The following GPM6B variants were observed in gnomAD, a reference collection of about 807,000 sequenced individuals.
GPM6B encodes glycoprotein M6B.
A neutral mutation model predicts 27.2 loss-of-function variants in GPM6B; 4 were observed. The ratio of observed to expected loss-of-function variants is 0.15; its 90% CI spans 0.07 to 0.34. The LOEUF is 0.34. Among genes scored for constraint, GPM6B ranks in the 10% least tolerant of loss-of-function variants. The pLI, the probability that GPM6B is intolerant of heterozygous loss-of-function variation, is 1.00. For missense variants in GPM6B, 183 were observed against 261.9 expected, an observed-to-expected ratio of 0.70 and a Z score of 2.08; for synonymous variants, 124 against 103.1, an observed-to-expected ratio of 1.20 and a Z score of -1.23.
chrX:13,902,673 T>C (rs1243210671), intron 1 of GPM6B, among the ~76,000 whole-genome samples: 1 of 111,415 alleles, frequency 9.0e-6, no homozygotes, highest in Non-Finnish European at 1.9e-5. Flanking sequence ...CACAGGCTTC[T>C]GTCTCCTACC....
Position 13,771,890 on chromosome X carries a change from T to C in GPM6B, c.*991A>G, listed in dbSNP as rs569360011. On this transcript the variant is annotated 3_prime_UTR_variant, in exon 8 of 8. Transcript: ENST00000316715. Reference sequence around the variant, plus strand: ...ACTTAAGTATTCAAGTCTATAAAAGTAGGAGGTTAGAGGTCTGTGGTCAAT... The same window carrying C: ...ACTTAAGTATTCAAGTCTATAAAAGCAGGAGGTTAGAGGTCTGTGGTCAAT... 1 of 112,201 alleles carries C rather than the reference T, an allele frequency of 8.9e-6. No individual in the cohort carries two copies. 9.2% of individuals were successfully genotyped at this position (112,201 alleles called of 1,213,427 possible).
In GPM6B at chrX:13,857,804, C is replaced by T. The variant is rs1043809650; in HGVS notation, c.-197-71996G>A. On this transcript the variant is annotated intron_variant, in intron 1 of 6. Coordinates refer to the GPM6B transcript ENST00000398361. Reference sequence around the variant, plus strand: ...TGCAGTGGCAAGTGCTAGGGTACAACAAGATACAAAATTCCTGGTTCTTCT... The same window carrying T: ...TGCAGTGGCAAGTGCTAGGGTACAATAAGATACAAAATTCCTGGTTCTTCT... 3.5e-5 allele frequency among the ~76,000 whole-genome samples: 4 copies of T among 112,730 alleles called. No homozygotes were observed. In the Admixed American group the frequency reaches 3.7e-4, roughly 11 times the overall value.
At chrX:13,864,634 C>G (rs895085860) in intron 1 of GPM6B, among the ~76,000 whole-genome samples, 1 of 112,594 alleles carries the variant, frequency 8.9e-6, no homozygotes, top group African/African-American at 3.2e-5. Flanking sequence ...AATATACTCA[C>G]TCATCGGTGA....
At chrX:13,846,836 T>G (rs1191344487) in intron 1 of GPM6B, among the ~76,000 whole-genome samples, 1 of 100,422 alleles carries the variant, frequency 1.0e-5, no homozygotes, top group African/African-American at 3.7e-5. Context: ...TGCCTAATCA[T>G]CTTTCCTATT....
chrX:13,920,274 AAAAAAAAAAAAAAAG>A (rs1227587868), intron 1 of GPM6B, among the ~76,000 whole-genome samples: 1 of 80,563 alleles, frequency 1.2e-5, no homozygotes, highest in Non-Finnish European at 2.7e-5. Context: ...CTCAAAAAAA[AAAAAAAAAAAAAAAG>A]AAAGAAAGAA....
chrX:13,777,124 ACTT>A (rs750796105), intron 6 of GPM6B, among the ~76,000 whole-genome samples: 66 of 111,605 alleles, frequency 5.9e-4, no homozygotes, highest in African/African-American at 2.0e-3. Flanking sequence ...AAAGCCCTCC[ACTT>A]CTTAAGGATT....
At chrX:13,866,227 G>C (rs1471933604) in intron 1 of GPM6B, among the ~76,000 whole-genome samples, 1 of 112,358 alleles carries the variant, frequency 8.9e-6, no homozygotes, top group African/African-American at 3.2e-5. Context: ...GCCGGGCGTG[G>C]TGGCACATGC....
chrX:13,822,398 C>G (rs764149200), intron 1 of GPM6B, among the ~76,000 whole-genome samples: 1 of 109,506 alleles, frequency 9.1e-6, no homozygotes, highest in Non-Finnish European at 1.9e-5. Flanking sequence ...CGGAGTCTCG[C>G]GCTGTTGCCC....
At chrX:13,816,227 T>TCC (rs767170437) in intron 1 of GPM6B, among the ~76,000 whole-genome samples, 1 of 111,065 alleles carries the variant, frequency 9.0e-6, no homozygotes, top group East Asian at 2.8e-4. Context: ...TCAATTTTCT[T>TCC]CCCCCCAGTC....
chrX:13,877,306 G>C (rs2050043477), intron 1 of GPM6B, among the ~76,000 whole-genome samples: 1 of 111,778 alleles, frequency 8.9e-6, no homozygotes. Context: ...AAAGGTGTGG[G>C]AGCATGTAAA....
At chrX:13,916,373 A>C (rs2147062706) in intron 1 of GPM6B, among the ~76,000 whole-genome samples, 1 of 112,136 alleles carries the variant, frequency 8.9e-6, no homozygotes, top group South Asian at 3.7e-4. Flanking sequence ...CCAAAGTAGG[A>C]GACTTTGGAG....
chrX:13,907,550 G>T (rs2050341815), intron 1 of GPM6B, among the ~76,000 whole-genome samples: 1 of 111,095 alleles, frequency 9.0e-6, no homozygotes, highest in Non-Finnish European at 1.9e-5. Context: ...AAGTGTAGTG[G>T]TGCATGCCTG....
intron 1 of GPM6B, among the ~76,000 whole-genome samples, chrX:13,879,867 T>C (rs1471579647): frequency 8.9e-6 from 1 of 111,736 alleles, no homozygotes; most frequent in Non-Finnish European, 1.9e-5. Context: ...GATTTGCATT[T>C]CTAGCAAGTT....
chrX:13,809,674 T>C (rs771919712), intron 1 of GPM6B, among the ~76,000 whole-genome samples: 8 of 110,492 alleles, frequency 7.2e-5, no homozygotes, highest in South Asian at 3.9e-4. Flanking sequence ...TGGTGGCTCA[T>C]GCCTGTAATT....
chrX:13,794,799 ATGAG>A (rs2048780068), intron 2 of GPM6B, among the ~76,000 whole-genome samples: 1 of 112,019 alleles, frequency 8.9e-6, no homozygotes, highest in African/African-American at 3.2e-5. Flanking sequence ...GTGTAATGAA[ATGAG>A]TGAGAGGATG....
At chrX:13,855,901 G>T (rs2049774887) in intron 1 of GPM6B, among the ~76,000 whole-genome samples, 1 of 111,375 alleles carries the variant, frequency 9.0e-6, no homozygotes, top group South Asian at 3.7e-4. Flanking sequence ...TCATTTGCTT[G>T]TGACCTTCCA....
chrX:13,839,726 A>C (rs925656668), intron 1 of GPM6B, among the ~76,000 whole-genome samples: 1 of 111,812 alleles, frequency 8.9e-6, no homozygotes, highest in Non-Finnish European at 1.9e-5. Flanking sequence ...TTAAAGCCCA[A>C]CTGGAAAACT....
intron 1 of GPM6B, among the ~76,000 whole-genome samples, chrX:13,833,362 C>T (rs2049459439): frequency 9.1e-6 from 1 of 109,797 alleles, no homozygotes; most frequent in Non-Finnish European, 1.9e-5. Context: ...TTGATAAAAC[C>T]TCTTTCCATA....
chrX:13,930,620 A>T (rs940876801), intron 1 of GPM6B, among the ~76,000 whole-genome samples: 25 of 112,016 alleles, frequency 2.2e-4, no homozygotes, highest in African/African-American at 7.4e-4. Flanking sequence ...TCTCAAAAAA[A>T]AAAAAAGAAA....
Sources: gnomAD v4.1 joint callset for allele counts (sites outside exome capture counted in the v4.1 genomes callset) on GRCh38, gnomAD v4.1.1 for gene constraint, MANE v1.5 for transcripts, NCBI Gene and HGNC (gene_info 2026-07-23, HGNC 2026-07-21) for gene names.